LRRC4C: variants seen among roughly 807,000 people sequenced by gnomAD.
LRRC4C encodes the protein leucine-rich repeat-containing protein 4C.
In LRRC4C, 5 loss-of-function variants were observed where a neutral mutation model predicts 33.6. The ratio of observed to expected loss-of-function variants is 0.15; its 90% CI spans 0.08 to 0.31. The LOEUF is 0.31. LRRC4C is among the 10% of genes least tolerant of loss of function. The pLI is 1.00. For synonymous variants in LRRC4C, 329 were observed against 302.0 expected (o/e 1.09, Z -0.93); for missense variants, 560 against 796.7 (o/e 0.70, Z 3.58).
chr11:41,040,870 T>C (rs1417933038), intron 1 of LRRC4C, among the ~76,000 whole-genome samples: 1 of 152,208 alleles, frequency 6.6e-6, no homozygotes, highest in African/African-American at 2.4e-5. Context: ...AGCATGAGTG[T>C]CTTCCTAGTT....
In LRRC4C at chr11:40,905,175, C is replaced by T. The variant is rs557397982; in HGVS notation, c.-407+28460G>A. 3.3e-5 allele frequency among the ~76,000 whole-genome samples: 5 copies of T among 152,142 alleles called. No individual in the cohort carries two copies. The South Asian group carries it at 8.3e-4, about 25-fold the overall frequency. On this transcript the variant is annotated intron_variant, in intron 2 of 6. Transcript: ENST00000528697. ...ATTTGAATGTTTTGGTGGGAAAACC[C>T]CAAACTTGATTGTACCATATCTGAT...
chr11:40,329,310 A>G (rs1383910683), intron 3 of LRRC4C, among the ~76,000 whole-genome samples: 1 of 152,234 alleles, frequency 6.6e-6, no homozygotes, highest in African/African-American at 2.4e-5. Flanking sequence ...GATGACTAGC[A>G]GCAAAAAGAC....
At chr11:40,660,809 C>T (rs1170545632) in intron 2 of LRRC4C, among the ~76,000 whole-genome samples, 3 of 152,118 alleles carry the variant, frequency 2.0e-5, no homozygotes, top group African/African-American at 4.8e-5. Flanking sequence ...ATATTCTCAC[C>T]GTGTGAATGT....
At chr11:41,327,059 TG>T (rs1225790558) in intron 1 of LRRC4C, among the ~76,000 whole-genome samples, 17 of 152,292 alleles carry the variant, frequency 1.1e-4, no homozygotes, top group Non-Finnish European at 2.4e-4. Flanking sequence ...AGAGGCCAAG[TG>T]GAGGCTGAGA....
At chr11:41,423,806 G>C (rs1954948305) in intron 1 of LRRC4C, 1 of 152,132 alleles carries the variant, frequency 6.6e-6, no homozygotes, top group South Asian at 2.1e-4. Flanking sequence ...GGGACAGTAG[G>C]ATGGCTAGGT....
chr11:41,166,741 C>G (rs532732365), intron 1 of LRRC4C, among the ~76,000 whole-genome samples: 3 of 152,156 alleles, frequency 2.0e-5, no homozygotes, highest in Admixed American at 1.3e-4. Context: ...ACAAACACAG[C>G]TCTGGAGAAG....
At chr11:40,939,368 T>C (rs1197375182) in intron 1 of LRRC4C, among the ~76,000 whole-genome samples, 1 of 152,190 alleles carries the variant, frequency 6.6e-6, no homozygotes, top group East Asian at 1.9e-4. Context: ...TAAATCATTA[T>C]ATCTTCTTTG....
At chr11:40,532,427 T>A (rs181647308) in intron 3 of LRRC4C, among the ~76,000 whole-genome samples, 1 of 151,984 alleles carries the variant, frequency 6.6e-6, no homozygotes, top group East Asian at 1.9e-4. Flanking sequence ...GACCATATAT[T>A]GCCCTTGGAT....
At chr11:40,765,998 T>C (rs1381407740) in intron 2 of LRRC4C, among the ~76,000 whole-genome samples, 6 of 150,944 alleles carry the variant, frequency 4.0e-5, no homozygotes, top group African/African-American at 1.5e-4. Flanking sequence ...ACCAAACAGA[T>C]TTAGCCCAAA....
intron 5 of LRRC4C, among the ~76,000 whole-genome samples, chr11:40,176,796 C>T (rs186265179): frequency 1.8e-3 from 270 of 152,102 alleles, no homozygotes; most frequent in African/African-American, 6.3e-3. Flanking sequence ...CTGTCTCAGC[C>T]TCCCAAATTG....
intron 1 of LRRC4C, among the ~76,000 whole-genome samples, chr11:41,067,268 C>T (rs908719550): frequency 2.6e-5 from 4 of 152,140 alleles, no homozygotes; most frequent in Admixed American, 2.6e-4. Context: ...GGTTGCAATC[C>T]TAGCCTCTGA....
chr11:40,913,702 C>T (rs942847689), intron 2 of LRRC4C, among the ~76,000 whole-genome samples: 2 of 151,982 alleles, frequency 1.3e-5, no homozygotes, highest in African/African-American at 4.8e-5. Context: ...AAGATCAGAG[C>T]AGAACTGAAG....
chr11:41,409,281 G>A (rs765547651), intron 1 of LRRC4C, among the ~76,000 whole-genome samples: 18 of 151,990 alleles, frequency 1.2e-4, no homozygotes, highest in Non-Finnish European at 2.1e-4. Flanking sequence ...GCTTACACTC[G>A]TCCATAACTG....
intron 1 of LRRC4C, among the ~76,000 whole-genome samples, chr11:41,030,770 T>G (rs1376575786): frequency 6.6e-6 from 1 of 151,786 alleles, no homozygotes; most frequent in East Asian, 1.9e-4. Flanking sequence ...AAAATGTGTA[T>G]GTATATAAAT....
intron 1 of LRRC4C, among the ~76,000 whole-genome samples, chr11:41,120,427 T>A (rs1942362653): frequency 6.6e-6 from 1 of 152,186 alleles, no homozygotes; most frequent in African/African-American, 2.4e-5. Flanking sequence ...GGCAGATCAT[T>A]ATATATGGAT....
intron 2 of LRRC4C, among the ~76,000 whole-genome samples, chr11:40,664,027 A>G (rs1271311854): frequency 6.6e-6 from 1 of 152,220 alleles, no homozygotes; most frequent in Non-Finnish European, 1.5e-5. Context: ...TTTACAGAGC[A>G]TTTGAAGCCA....
chr11:40,765,334 T>G (rs916921385), intron 2 of LRRC4C, among the ~76,000 whole-genome samples: 2 of 152,206 alleles, frequency 1.3e-5, no homozygotes, highest in Non-Finnish European at 2.9e-5. Context: ...ATGTAAGATG[T>G]GCCTGCTTAC....
intron 1 of LRRC4C, among the ~76,000 whole-genome samples, chr11:41,015,152 C>T (rs1264833089): frequency 6.6e-6 from 1 of 152,012 alleles, no homozygotes; most frequent in Non-Finnish European, 1.5e-5. Flanking sequence ...TTTCTAATGG[C>T]TAATGTAGAA....
intron 4 of LRRC4C, among the ~76,000 whole-genome samples, chr11:40,301,630 T>C (rs533552858): frequency 6.6e-6 from 1 of 152,148 alleles, no homozygotes; most frequent in Non-Finnish European, 1.5e-5. Flanking sequence ...TTTCAGAAGA[T>C]GAAGGCATAG....
Sources: allele counts gnomAD v4.1 joint callset (sites outside exome capture counted in the v4.1 genomes callset), GRCh38; gene constraint gnomAD v4.1.1; transcripts MANE v1.5; gene names NCBI Gene and HGNC (gene_info 2026-07-23, HGNC 2026-07-21).